Variants in RASGEF1C observed in about 807,000 individuals in gnomAD.
The protein encoded by RASGEF1C is RasGEF domain family member 1C.
RASGEF1C carries 27 observed loss-of-function variants against 58.1 expected under a neutral mutation model. That is an observed-to-expected ratio of 0.46 (90% CI 0.34 to 0.64). RASGEF1C has a LOEUF of 0.64. RASGEF1C is among the 30% of genes least tolerant of loss of function. RASGEF1C has a pLI of 0.01. For missense variants in RASGEF1C, 502 were observed against 605.1 expected (o/e 0.83, Z 1.79); for synonymous variants, 243 against 246.3 (o/e 0.99, Z 0.13).
At chr5:180,186,983 C>A (rs1230101831) in intron 1 of RASGEF1C, among the ~76,000 whole-genome samples, 1 of 151,994 alleles carries the variant, frequency 6.6e-6, no homozygotes. Flanking sequence ...AACAAAAAAA[C>A]CACCCATCTT....
chr5:180,119,236 C>T (rs746917238), intron 8 of RASGEF1C, 110 bp downstream of exon 8: 17 of 942,030 alleles, frequency 1.8e-5, no homozygotes, highest in South Asian at 4.1e-5. Flanking sequence ...CACGCCCTCC[C>T]GCTGCTCAGA....
intron 1 of RASGEF1C, among the ~76,000 whole-genome samples, chr5:180,179,376 G>A (rs1767283187): frequency 6.6e-6 from 1 of 152,106 alleles, no homozygotes; most frequent in Non-Finnish European, 1.5e-5. Context: ...GAAGCCCAGA[G>A]GGCAGCATTT....
chr5:180,115,614 C>T lies in RASGEF1C; in HGVS notation c.1084-1073G>A, dbSNP rs549183176. 2.3e-4 allele frequency among the ~76,000 whole-genome samples: 35 copies of T among 152,312 alleles called. No individual in the cohort carries two copies. The East Asian group carries it at 4.6e-3, about 20-fold the overall frequency. On this transcript the variant is annotated intron_variant, in intron 10 of 13. Transcript: ENST00000361132. The stretch of plus-strand genomic sequence containing the variant: ...TCTCCATCTGTGCTCCCACAGAGCC[C>T]GCTACTTATGCCTTTATCAAGCCTG...
intron 1 of RASGEF1C, among the ~76,000 whole-genome samples, chr5:180,174,011 G>A (rs1374141553): frequency 6.6e-6 from 1 of 151,806 alleles, no homozygotes; most frequent in Admixed American, 6.6e-5. Flanking sequence ...CGTGGGGATG[G>A]TCTCAGAAAG....
At chr5:180,151,412 T>C (rs1461965235) in intron 1 of RASGEF1C, among the ~76,000 whole-genome samples, 1 of 152,122 alleles carries the variant, frequency 6.6e-6, no homozygotes, top group Admixed American at 6.5e-5. Flanking sequence ...GAAATAATGC[T>C]GCATATCTAC....
chr5:180,117,925 T>C (rs1582264414), intron 10 of RASGEF1C, among the ~76,000 whole-genome samples: 2 of 138,090 alleles, frequency 1.4e-5, no homozygotes, highest in African/African-American at 5.7e-5. Flanking sequence ...ACCCAGGAGG[T>C]GGAGGTTGCA....
At chr5:180,122,478 C>G (rs571139358) in intron 6 of RASGEF1C, among the ~76,000 whole-genome samples, 50 of 152,038 alleles carry the variant, frequency 3.3e-4, no homozygotes, top group African/African-American at 1.2e-3. Context: ...CAGTGGCTCA[C>G]GCCTGTAATC....
chr5:180,133,709 A>G (rs570636989), intron 4 of RASGEF1C, among the ~76,000 whole-genome samples: 1 of 150,412 alleles, frequency 6.6e-6, no homozygotes, highest in Non-Finnish European at 1.5e-5. Flanking sequence ...AGGACAGGAC[A>G]AACCAGTTCG....
At chr5:180,148,917 T>C (rs1255582905) in intron 1 of RASGEF1C, among the ~76,000 whole-genome samples, 3 of 152,182 alleles carry the variant, frequency 2.0e-5, no homozygotes, top group African/African-American at 7.2e-5. Flanking sequence ...CTTTCTTCGA[T>C]TCTTGTTTAT....
chr5:180,126,841 T>G (rs1766271011), intron 6 of RASGEF1C, among the ~76,000 whole-genome samples: 1 of 152,072 alleles, frequency 6.6e-6, no homozygotes, highest in Non-Finnish European at 1.5e-5. Context: ...AAAATTGGGG[T>G]CAAGAAAGTC....
At chr5:180,191,573 G>C (rs1314421150) in intron 1 of RASGEF1C, among the ~76,000 whole-genome samples, 2 of 151,804 alleles carry the variant, frequency 1.3e-5, no homozygotes, top group African/African-American at 2.4e-5. Context: ...AGCCAGGATG[G>C]TCTCCATCTC....
rs754359904 is a variant in RASGEF1C, at chr5:180,137,834, G to A, written c.177+42C>T. 3.7e-6 allele frequency: 6 copies of A among 1,605,100 alleles called. No individual in the cohort carries two copies. The South Asian group carries it at 6.7e-5, about 18-fold the overall frequency. On this transcript the variant is annotated intron_variant, in intron 2 of 13. Transcript: ENST00000361132. This position sits in a 1 kb window ranked among gnomAD's most constrained non-coding sequence, Gnocchi z 4.1. The stretch of plus-strand genomic sequence containing the variant: ...AACCCTGATGCCCCCCGTGCGTGGT[G>A]GAGGAGAGCCCACTCTCCTGCCCGC...
intron 3 of RASGEF1C, chr5:180,136,766 G>A: frequency 2.0e-6 from 1 of 508,998 alleles, no homozygotes. Flanking sequence ...TCCCTGGTGA[G>A]TCTTCGCGCT....
In RASGEF1C at chr5:180,144,339, A is replaced by C. The variant is rs145146918; in HGVS notation, c.-6-6281T>G. ...AATGGTCCCACTGCTTTAGCCTCAA[A>C]GGCTGTGGTGGGTCCACGGCCCCAA... On this transcript the variant is annotated intron_variant, in intron 1 of 13. Coordinates refer to ENST00000361132, the MANE Select transcript of RASGEF1C (RefSeq NM_175062.4). Among the ~76,000 whole-genome samples the C allele has an allele frequency of 9.6e-3, 1,459 of 152,288 alleles. 20 individuals are homozygous for C. The highest frequency in any genetic ancestry group is 0.034 in the African/African-American group (1,402 of 41,556).
intron 1 of RASGEF1C, 32 bp from the exon 2 acceptor site, chr5:180,138,090 TG>T (rs1169666933): frequency 1.5e-6 from 2 of 1,347,230 alleles, no homozygotes; most frequent in South Asian, 1.5e-5. Context: ...AGGACCTGAG[TG>T]GGGGCACACC....
At chr5:180,130,713 G>A (rs893131232) in intron 4 of RASGEF1C, among the ~76,000 whole-genome samples, 5 of 152,182 alleles carry the variant, frequency 3.3e-5, no homozygotes, top group Non-Finnish European at 7.3e-5. Flanking sequence ...GTTCACTGTC[G>A]TGAGATGCTG....
Position 180,118,786 on chromosome 5 carries a change from C to T in RASGEF1C, c.987+1G>A. 6.2e-7 allele frequency: 1 copy of T among 1,614,222 alleles called. No homozygotes were observed. Among genetic ancestry groups the T allele is most frequent in the Non-Finnish European group, 8.5e-7 (1 of 1,180,020 alleles). On this transcript the variant is annotated splice_donor_variant, in intron 9 of 13. Coordinates refer to ENST00000361132, the MANE Select transcript of RASGEF1C (RefSeq NM_175062.4). LOFTEE classifies it high-confidence loss of function. ...CCCGGCAGCCCAGCAGCCTCATTTA[C>T]CTCGAGGATGAAAAACTTGGCCGTC...
At chr5:180,120,465 C>G (rs1766148644) in intron 7 of RASGEF1C, among the ~76,000 whole-genome samples, 1 of 152,016 alleles carries the variant, frequency 6.6e-6, no homozygotes, top group Admixed American at 6.5e-5. Context: ...TGCCTCCAGC[C>G]TGGCCCTGAG....
rs139572552 is a variant in RASGEF1C, at chr5:180,171,575, G to C, written c.-6-33517C>G. The stretch of plus-strand genomic sequence containing the variant: ...ACTCACACTCAGCCCCTGGGTCCCA[G>C]GCTCTGTCCCCACGCAGGTCAGCGT... On this transcript the variant is annotated intron_variant, in intron 1 of 13. Transcript: ENST00000361132. Among the ~76,000 whole-genome samples, 584 of 152,228 alleles carry C rather than the reference G, an allele frequency of 3.8e-3. 2 individuals are homozygous for C. The highest frequency in any genetic ancestry group is 7.2e-3 in the Non-Finnish European group (491 of 68,012).
Sources: allele counts gnomAD v4.1 joint callset (sites outside exome capture counted in the v4.1 genomes callset), GRCh38; gene constraint gnomAD v4.1.1; non-coding constraint Gnocchi (gnomAD v3.1); transcripts MANE v1.5; gene names NCBI Gene and HGNC (gene_info 2026-07-23, HGNC 2026-07-21).